The following CNTN5 variants were observed in gnomAD, a reference collection of about 807,000 sequenced individuals.
The protein encoded by CNTN5 is contactin-5.
CNTN5 carries 77 observed loss-of-function variants against 129.1 expected under a neutral mutation model. The ratio of observed to expected loss-of-function variants is 0.60; its 90% CI spans 0.50 to 0.72. The LOEUF is 0.72. CNTN5 is among the 30% of genes least tolerant of loss of function. The probability of loss-of-function intolerance (pLI) is 0.00; values close to 1 mark genes in which losing one functional copy is unlikely to be tolerated. For synonymous variants in CNTN5, 509 were observed against 465.6 expected, an observed-to-expected ratio of 1.09 and a Z score of -1.20; for missense variants, 1,478 against 1,328.8, an observed-to-expected ratio of 1.11 and a Z score of -1.75.
At chr11:99,746,430 T>C (rs1006944842) in intron 3 of CNTN5, among the ~76,000 whole-genome samples, 1 of 152,210 alleles carries the variant, frequency 6.6e-6, no homozygotes, top group South Asian at 2.1e-4. Flanking sequence ...CTAGTCTACA[T>C]GAAGGGTCCT....
At chr11:100,086,943 G>A (rs755925651) in intron 13 of CNTN5, among the ~76,000 whole-genome samples, 1 of 151,560 alleles carries the variant, frequency 6.6e-6, no homozygotes, top group Non-Finnish European at 1.5e-5. Context: ...AAATGAATGA[G>A]CTGAGCTTCT....
Position 99,471,783 on chromosome 11 carries a change from T to C in CNTN5, c.-70-84362T>C, listed in dbSNP as rs145280384. Among the ~76,000 whole-genome samples, 307 of 152,244 alleles carry C rather than the reference T, an allele frequency of 2.0e-3. 1 individual carries two copies. The highest frequency in any genetic ancestry group is 0.017 in the Middle Eastern group (5 of 294). ...GCATTTTGTACATTCCCTATCATGA[T>C]AGTAACCACTCTGTAATTATGCTTC... On this transcript the variant is annotated intron_variant, in intron 2 of 24. Transcript: ENST00000524871.
chr11:99,703,840 A>G (rs1954635393), intron 3 of CNTN5, among the ~76,000 whole-genome samples: 1 of 151,042 alleles, frequency 6.6e-6, no homozygotes, highest in East Asian at 1.9e-4. Flanking sequence ...TTAGATCCAA[A>G]CAACGTTGAA....
chr11:99,819,567 C>T lies in CNTN5; in HGVS notation c.79C>T (p.Leu27Phe). 1 of 1,612,350 alleles carries T rather than the reference C, an allele frequency of 6.2e-7. No individual in the cohort carries two copies. Among genetic ancestry groups the T allele is most frequent in the South Asian group, 1.1e-5 (1 of 91,030 alleles). ...AGAGTATTCAAAATCTCTTCCTGGTCTCTCCACTTCATATGCTGCTTTGTT... is the reference window on the plus strand; with the variant it reads ...AGAGTATTCAAAATCTCTTCCTGGTTTCTCCACTTCATATGCTGCTTTGTT... ...LSEYSKSLPG[L>F]STSYAALLRI... The change falls in exon 4 of 25, where the codon CTC (leucine) becomes TTC (phenylalanine). Residue 27 changes from leucine to phenylalanine, a missense_variant. Coordinates refer to ENST00000524871, the MANE Select transcript of CNTN5 (RefSeq NM_014361.4).
intron 1 of CNTN5, among the ~76,000 whole-genome samples, chr11:99,223,442 A>G (rs1476324241): frequency 6.6e-6 from 1 of 152,208 alleles, no homozygotes; most frequent in Non-Finnish European, 1.5e-5. Flanking sequence ...GTAGGGTTCT[A>G]ATCAATTGTG....
chr11:99,415,657 G>A (rs1482555462), intron 2 of CNTN5, among the ~76,000 whole-genome samples: 1 of 152,080 alleles, frequency 6.6e-6, no homozygotes, highest in African/African-American at 2.4e-5. Context: ...GAAACTGAGG[G>A]GAGAGCAGGA....
Position 99,275,661 on chromosome 11 carries a change from C to T in CNTN5, c.-209-49685C>T, listed in dbSNP as rs557731829. ...TGCTCGTCTTGGCAGAGCTCTCTCA[C>T]ATGACTTGGGCTTTGACTGGGGAAA... On this transcript the variant is annotated intron_variant, in intron 1 of 24. Coordinates refer to ENST00000524871, the MANE Select transcript of CNTN5 (RefSeq NM_014361.4). Among the ~76,000 whole-genome samples the T allele has an allele frequency of 5.3e-5, 8 of 151,794 alleles. No individual in the cohort carries two copies. The South Asian group carries it at 1.7e-3, about 32-fold the overall frequency.
At chr11:99,865,640 G>A (rs1948334979) in intron 6 of CNTN5, among the ~76,000 whole-genome samples, 1 of 151,846 alleles carries the variant, frequency 6.6e-6, no homozygotes, top group African/African-American at 2.4e-5. Flanking sequence ...AGAATTTTTA[G>A]ATAAAAGTGG....
At chr11:99,510,842 TA>T (rs1461929341) in intron 2 of CNTN5, among the ~76,000 whole-genome samples, 7 of 152,190 alleles carry the variant, frequency 4.6e-5, no homozygotes, top group Non-Finnish European at 8.8e-5. Flanking sequence ...AGATATTTTT[TA>T]TAAAGTTGAG....
intron 1 of CNTN5, among the ~76,000 whole-genome samples, chr11:99,175,426 A>G (rs746017017): frequency 6.6e-6 from 1 of 152,098 alleles, no homozygotes; most frequent in South Asian, 2.1e-4. Context: ...GGAAAAATCC[A>G]GACTGTTCTA....
intron 2 of CNTN5, among the ~76,000 whole-genome samples, chr11:99,511,809 C>T (rs1378958017): frequency 2.7e-5 from 4 of 150,610 alleles, no homozygotes; most frequent in African/African-American, 9.8e-5. Flanking sequence ...TACCCTAAAA[C>T]TTAAAGTATA....
chr11:99,658,703 C>T (rs1205879099), intron 3 of CNTN5, among the ~76,000 whole-genome samples: 1 of 104,450 alleles, frequency 9.6e-6, no homozygotes, highest in Non-Finnish European at 2.2e-5. Context: ...GAAATTCTGT[C>T]TCTACTAAAA....
At chr11:100,063,455 A>G (rs1943563920) in intron 10 of CNTN5, among the ~76,000 whole-genome samples, 1 of 152,008 alleles carries the variant, frequency 6.6e-6, no homozygotes, top group Non-Finnish European at 1.5e-5. Flanking sequence ...TATTTGTGAC[A>G]GGTGTGGAAT....
chr11:99,947,195 T>C (rs1565708301), intron 7 of CNTN5, among the ~76,000 whole-genome samples: 1 of 150,942 alleles, frequency 6.6e-6, no homozygotes, highest in Non-Finnish European at 1.5e-5. Flanking sequence ...CTAGCATAAC[T>C]TGTACCAATT....
intron 3 of CNTN5, among the ~76,000 whole-genome samples, chr11:99,806,485 AT>A (rs1163964860): frequency 6.6e-6 from 1 of 151,738 alleles, no homozygotes; most frequent in African/African-American, 2.4e-5. Context: ...TTCTGAATCC[AT>A]TTTTTTTAAC....
At chr11:99,380,253 T>A (rs1591599720) in intron 2 of CNTN5, among the ~76,000 whole-genome samples, 1 of 152,298 alleles carries the variant, frequency 6.6e-6, no homozygotes, top group East Asian at 1.9e-4. Context: ...CAGAGAATAC[T>A]ACACACTTTA....
chr11:99,513,528 C>G (rs540057104), intron 2 of CNTN5, among the ~76,000 whole-genome samples: 1 of 152,100 alleles, frequency 6.6e-6, no homozygotes, highest in African/African-American at 2.4e-5. Context: ...CAGGCAGCCT[C>G]TCTTGTTAAG....
intron 3 of CNTN5, among the ~76,000 whole-genome samples, chr11:99,627,457 T>C: frequency 1.1e-5 from 1 of 93,084 alleles, no homozygotes; most frequent in East Asian, 2.8e-4. Context: ...TGGTTTTTAA[T>C]GTGAGAAAAA....
At chr11:100,087,042 A>G (rs1944581943) in intron 13 of CNTN5, among the ~76,000 whole-genome samples, 1 of 151,762 alleles carries the variant, frequency 6.6e-6, no homozygotes, top group Non-Finnish European at 1.5e-5. Context: ...AAACAAATAT[A>G]AGCACAATTA....
Sources: gnomAD v4.1 joint callset for allele counts (sites outside exome capture counted in the v4.1 genomes callset) on GRCh38, gnomAD v4.1.1 for gene constraint, MANE v1.5 for transcripts, NCBI Gene and HGNC (gene_info 2026-07-23, HGNC 2026-07-21) for gene names.